DUS2: variants seen among roughly 807,000 people sequenced by gnomAD.
DUS2 encodes the protein tRNA-dihydrouridine(20) synthase [NAD(P)+]-like.
DUS2 carries 52 observed loss-of-function variants against 71.3 expected under a neutral mutation model. That is an observed-to-expected ratio of 0.73 (90% confidence interval 0.58 to 0.92). The LOEUF (loss-of-function observed/expected upper bound fraction) is 0.92, where lower values mean the gene tolerates loss of function less well. DUS2 is among the 40% of genes least tolerant of loss of function. DUS2 has a pLI of 0.00. For missense variants in DUS2, 558 were observed against 622.6 expected, an observed-to-expected ratio of 0.90 and a Z score of 1.10; for synonymous variants, 204 against 227.8, an observed-to-expected ratio of 0.90 and a Z score of 0.94.
chr16:68,028,105 C>A (rs983311226), intron 2 of DUS2, among the ~76,000 whole-genome samples: 2 of 152,056 alleles, frequency 1.3e-5, no homozygotes, highest in African/African-American at 4.8e-5. Context: ...CGTATCATAT[C>A]TTTGCGTTTG....
intron 8 of DUS2, 66 bp downstream of exon 8, chr16:68,061,179 G>T: frequency 1.3e-6 from 2 of 1,513,228 alleles, no homozygotes; most frequent in Non-Finnish European, 1.8e-6. Context: ...TGTCTAGAAC[G>T]CCTCCTTCCA....
intron 12 of DUS2, among the ~76,000 whole-genome samples, chr16:68,073,123 G>A (rs2034110202): frequency 6.6e-6 from 1 of 152,206 alleles, no homozygotes; most frequent in African/African-American, 2.4e-5. Context: ...GGTGGCTGAA[G>A]CAGGAAGGGG....
At chr16:68,034,718 C>A (rs980586493) in intron 2 of DUS2, among the ~76,000 whole-genome samples, 5 of 152,044 alleles carry the variant, frequency 3.3e-5, no homozygotes, top group Non-Finnish European at 7.4e-5. Context: ...TCATATTAGG[C>A]TGGGCATGGT....
rs1224420506 is a variant in DUS2, at chr16:68,076,825, G to A, written c.1170+106G>A. The A allele has an allele frequency of 9.2e-6, 8 of 867,900 alleles. No individual in the cohort carries two copies. In the East Asian group the frequency reaches 2.2e-4, roughly 24 times the overall value. The allele number at this position is 867,900 out of a possible 1,614,324, so 53.8% of individuals were successfully genotyped here. A position where few individuals can be genotyped will look rare whatever the true frequency, so the allele number is the denominator to read the frequency against. On this transcript the variant is annotated intron_variant, in intron 15 of 16. Transcript: ENST00000565263. ...TGGAGCCTGGCCTTGACCTCTGTAG[G>A]CATGGAGAAGCTGCTGGTGGCCAGG...
intron 3 of DUS2, among the ~76,000 whole-genome samples, chr16:68,048,070 A>G (rs73604358): frequency 0.013 from 1,998 of 152,232 alleles, 42 homozygotes; most frequent in African/African-American, 0.045. Context: ...GACATAAGCC[A>G]TCATGTCTGG....
rs1598318365 is a variant in DUS2, at chr16:68,070,962, C to T, written c.664C>T (p.Gln222Ter). Reference protein sequence around the residue: ...IANGGSHDHIQQYSDIEDFRQ... With the variant: ...IANGGSHDHI ...TAGCGGAGGATCTCATGACCACATC[C>T]AACAGTATTCGGACATAGAGGACTT... The change falls in exon 12 of 17, where the codon CAA (glutamine) becomes TAA (stop). Residue 222 changes from glutamine (Q) to a stop codon, truncating the protein, a stop_gained. Transcript: ENST00000565263. LOFTEE classifies it high-confidence loss of function. 6.2e-7 allele frequency: 1 copy of T among 1,614,192 alleles called. No homozygotes were observed. The highest frequency in any genetic ancestry group is 1.1e-5 in the South Asian group (1 of 91,086).
intron 8 of DUS2, among the ~76,000 whole-genome samples, chr16:68,065,552 G>C (rs529395437): frequency 2.0e-5 from 3 of 152,154 alleles, no homozygotes; most frequent in Middle Eastern, 3.4e-3. Context: ...GATGGCTTGA[G>C]CTAGGGAGGC....
At chr16:68,061,336 G>A (rs2033937631) in intron 8 of DUS2, among the ~76,000 whole-genome samples, 1 of 152,190 alleles carries the variant, frequency 6.6e-6, no homozygotes, top group Admixed American at 6.5e-5. Context: ...AAAAAGCCCA[G>A]AGCAAGAGAC....
intron 14 of DUS2, among the ~76,000 whole-genome samples, chr16:68,076,042 G>A (rs997670083): frequency 2.0e-5 from 3 of 152,198 alleles, no homozygotes; most frequent in Admixed American, 1.3e-4. Flanking sequence ...GGTGTGGAGA[G>A]GGGGAGCAGG....
chr16:68,029,434 C>A (rs1460233060), intron 2 of DUS2, among the ~76,000 whole-genome samples: 1 of 151,896 alleles, frequency 6.6e-6, no homozygotes, highest in Non-Finnish European at 1.5e-5. Flanking sequence ...AGCTACCACA[C>A]CTGGTGTATT....
chr16:68,052,426 C>T (rs977871720), intron 4 of DUS2, among the ~76,000 whole-genome samples: 1 of 152,148 alleles, frequency 6.6e-6, no homozygotes, highest in African/African-American at 2.4e-5. Flanking sequence ...GAAAACATCA[C>T]AAGTATTGAT....
chr16:68,054,548 G>A (rs1165406859), intron 5 of DUS2, 26 bp from the exon 6 acceptor site: 2 of 1,613,986 alleles, frequency 1.2e-6, no homozygotes, highest in Non-Finnish European at 1.7e-6. Context: ...CAGGGCAGTG[G>A]TTGATGCAGC....
chr16:68,029,080 C>T (rs556273987), intron 2 of DUS2, among the ~76,000 whole-genome samples: 1 of 152,054 alleles, frequency 6.6e-6, no homozygotes, highest in East Asian at 1.9e-4. Flanking sequence ...TGGAACATGC[C>T]TGTAGTCCCA....
intron 1 of DUS2, among the ~76,000 whole-genome samples, chr16:68,024,831 C>CTTT (rs568848831): frequency 1.5e-5 from 2 of 132,238 alleles, no homozygotes; most frequent in Non-Finnish European, 3.3e-5. Flanking sequence ...TGGCTGGATA[C>CTTT]TTTTTTTTTT....
chr16:68,025,213 G>A (rs2033329699), intron 1 of DUS2, among the ~76,000 whole-genome samples: 1 of 151,980 alleles, frequency 6.6e-6, no homozygotes. Flanking sequence ...GCTCATGCCT[G>A]TAATCCCAGC....
At chr16:68,047,906 A>G (rs2033728234) in intron 3 of DUS2, among the ~76,000 whole-genome samples, 1 of 150,816 alleles carries the variant, frequency 6.6e-6, no homozygotes, top group Non-Finnish European at 1.5e-5. Context: ...TCAGCATCCC[A>G]TGTAGCTGGG....
At chr16:68,049,713 A>G (rs985966980) in intron 4 of DUS2, among the ~76,000 whole-genome samples, 163 bp downstream of exon 4, 1 of 152,202 alleles carries the variant, frequency 6.6e-6, no homozygotes, top group Non-Finnish European at 1.5e-5. Flanking sequence ...AGAGGCCATG[A>G]CAAAAAGCCT....
intron 7 of DUS2, among the ~76,000 whole-genome samples, chr16:68,060,725 GC>G (rs1359770860): frequency 6.6e-6 from 1 of 152,114 alleles, no homozygotes; most frequent in Non-Finnish European, 1.5e-5. Context: ...GTGCATGCCT[GC>G]AATCCTGGCT....
chr16:68,077,743 A>G (rs1404918567), intron 15 of DUS2, among the ~76,000 whole-genome samples: 1 of 152,194 alleles, frequency 6.6e-6, no homozygotes, highest in East Asian at 1.9e-4. Flanking sequence ...TGAGCCCCAG[A>G]TGTGGTGCCC....
Sources: allele counts gnomAD v4.1 joint callset (sites outside exome capture counted in the v4.1 genomes callset), GRCh38; gene constraint gnomAD v4.1.1; transcripts MANE v1.5; gene names NCBI Gene and HGNC (gene_info 2026-07-23, HGNC 2026-07-21).